The following SPHKAP variants were observed in gnomAD, a reference collection of about 807,000 sequenced individuals.
SPHKAP encodes A-kinase anchor protein SPHKAP.
SPHKAP carries 67 observed loss-of-function variants against 137.5 expected under a neutral mutation model. That is an observed-to-expected ratio of 0.49 (90% CI 0.40 to 0.60). The LOEUF (loss-of-function observed/expected upper bound fraction) is 0.60, where lower values mean the gene tolerates loss of function less well. Ranked by LOEUF, SPHKAP falls within the 20% of genes least tolerant of loss-of-function variation. SPHKAP has a pLI of 0.00. For missense variants in SPHKAP, 2,097 were observed against 2,069.3 expected (o/e 1.01, Z -0.26); for synonymous variants, 813 against 785.3 (o/e 1.04, Z -0.59).
At chr2:228,061,015 G>A (rs866596231) in intron 3 of SPHKAP, among the ~76,000 whole-genome samples, 1 of 152,138 alleles carries the variant, frequency 6.6e-6, no homozygotes, top group Non-Finnish European at 1.5e-5. Context: ...CTGGATTTGA[G>A]GCCAAACTTG....
At chr2:228,158,081 A>C (rs1700161231) in intron 1 of SPHKAP, among the ~76,000 whole-genome samples, 2 of 152,166 alleles carry the variant, frequency 1.3e-5, no homozygotes, top group African/African-American at 4.8e-5. Flanking sequence ...AATGGACAAC[A>C]CACAGATTCA....
intron 3 of SPHKAP, among the ~76,000 whole-genome samples, chr2:228,066,251 T>C (rs1696825279): frequency 6.6e-6 from 1 of 152,162 alleles, no homozygotes; most frequent in African/African-American, 2.4e-5. Flanking sequence ...CTGTACTTTG[T>C]CTCCAATAGA....
At position 228,120,461 on chromosome 2, in the gene SPHKAP, C is replaced by T. The variant is rs138041145; in HGVS notation, c.138+11519G>A. On this transcript the variant is annotated intron_variant, in intron 2 of 11. Transcript: ENST00000392056. ...TTATGAACAAAAGCCCTCCTTTCTT[C>T]GGAATTTATGTCCCCATATATGTAA... Among the ~76,000 whole-genome samples, 688 of 152,204 alleles carry T rather than the reference C, an allele frequency of 4.5e-3. 3 individuals are homozygous for T. Among genetic ancestry groups the T allele is most frequent in the South Asian group, 0.017 (81 of 4,820 alleles).
Position 227,991,137 on chromosome 2 carries a change from G to A in SPHKAP, c.4822C>T (p.Leu1608=). 2 of 1,614,112 alleles carry A rather than the reference G, an allele frequency of 1.2e-6. No individual in the cohort carries two copies. The highest frequency in any genetic ancestry group is 1.7e-6 in the Non-Finnish European group (2 of 1,180,014). Residue 1608 remains leucine, a synonymous_variant, in exon 11 of 12, where the codon CTG becomes TTG. Coordinates refer to ENST00000392056, the MANE Select transcript of SPHKAP (RefSeq NM_001142644.2). Reference sequence around the variant, plus strand: ...TCCAGGTCAAAGTTGATCACCAGCAGGCTCCTCTGGGGGCTGGCTGTTCCC... The same window carrying A: ...TCCAGGTCAAAGTTGATCACCAGCAAGCTCCTCTGGGGGCTGGCTGTTCCC... ...PTGTASPQRS[L]LVINFDLEPE...
At chr2:228,170,571 AC>A (rs1394621277) in intron 1 of SPHKAP, among the ~76,000 whole-genome samples, 1 of 152,090 alleles carries the variant, frequency 6.6e-6, no homozygotes, top group Non-Finnish European at 1.5e-5. Context: ...GGCAAGACCC[AC>A]CACTAGCAAA....
Position 228,181,587 on chromosome 2 carries a change from G to C in SPHKAP, c.12C>G (p.Asn4Lys). ...CTTACCTTGGTACCGAGAGCAGGGA[G>C]TTGCCATCCATTGTTGGTGGGCGCC... MDG[N>K]SLLSVPSNLE... is the part of the protein sequence containing the mutation. The change falls in exon 1 of 12, where the codon AAC becomes AAG. Residue 4 changes from asparagine (N) to lysine (K), a missense_variant. Coordinates refer to ENST00000392056, the MANE Select transcript of SPHKAP (RefSeq NM_001142644.2). This position sits in a 1 kb window ranked among gnomAD's most constrained non-coding sequence, Gnocchi z 4.3. 6.2e-7 allele frequency: 1 copy of C among 1,614,234 alleles called. No homozygotes were observed. The highest frequency in any genetic ancestry group is 1.1e-5 in the South Asian group (1 of 91,084).
chr2:228,119,962 T>A (rs1244326702), intron 2 of SPHKAP, among the ~76,000 whole-genome samples: 1 of 152,160 alleles, frequency 6.6e-6, no homozygotes, highest in Non-Finnish European at 1.5e-5. Context: ...AAAGCATTCA[T>A]GCATTATACC....
Position 228,020,067 on chromosome 2 carries a change from T to C in SPHKAP, c.787A>G (p.Lys263Glu), listed in dbSNP as rs191601843. The C allele has an allele frequency of 6.2e-7, 1 of 1,614,250 alleles. No homozygotes were observed. Among genetic ancestry groups the C allele is most frequent in the African/African-American group, 1.3e-5 (1 of 75,088 alleles). The change falls in exon 7 of 12, where the codon AAG becomes GAG. Residue 263 changes from lysine to glutamate, a missense_variant. By Grantham distance (56) the Lys-to-Glu change is moderately conservative. Coordinates refer to ENST00000392056, the MANE Select transcript of SPHKAP (RefSeq NM_001142644.2). ...TQVEWNCNKE[K>E]WLYALEDKYI... ...TTGTCTTCCAAAGCATAAAGCCACT[T>C]TTCCTTGTTGCAATTCCATTCCACC...
intron 3 of SPHKAP, among the ~76,000 whole-genome samples, chr2:228,074,416 G>A (rs1373587779): frequency 1.2e-4 from 19 of 152,154 alleles, no homozygotes; most frequent in Admixed American, 8.5e-4. Flanking sequence ...CAATTATGGC[G>A]GAAGGTGAAG....
chr2:228,136,457 T>G (rs1056519040), intron 1 of SPHKAP, among the ~76,000 whole-genome samples: 1 of 152,226 alleles, frequency 6.6e-6, no homozygotes, highest in Non-Finnish European at 1.5e-5. Context: ...GCCACTGTAC[T>G]GCTACCACTG....
intron 9 of SPHKAP, 104 bp from the exon 10 acceptor site, chr2:227,991,430 C>G (rs1574714287): frequency 1.3e-6 from 2 of 1,591,178 alleles, no homozygotes; most frequent in South Asian, 1.1e-5. Flanking sequence ...TTCTGAAGTT[C>G]ATTCTGGATT....
intron 1 of SPHKAP, among the ~76,000 whole-genome samples, chr2:228,154,715 A>T (rs1470036528): frequency 6.1e-5 from 7 of 115,154 alleles, no homozygotes; most frequent in East Asian, 2.5e-4. Context: ...TGCCTGGCTA[A>T]TTTTTTTTTT....
intron 7 of SPHKAP, among the ~76,000 whole-genome samples, chr2:227,998,242 C>T (rs897412339): frequency 6.6e-6 from 1 of 152,106 alleles, no homozygotes; most frequent in Non-Finnish European, 1.5e-5. Flanking sequence ...AAGTGACCTG[C>T]ACTCCTGGGC....
chr2:227,989,433 C>A lies in SPHKAP; in HGVS notation c.4959+1567G>T, dbSNP rs560852285. 3.3e-5 allele frequency among the ~76,000 whole-genome samples: 5 copies of A among 152,222 alleles called. No homozygotes were observed. The South Asian group carries it at 1.0e-3, about 32-fold the overall frequency. ...TGACAATAAGACATGAAAATCCTAC[C>A]TGGTGGCTTGATAGGCAGGATCCTA... On this transcript the variant is annotated intron_variant, in intron 11 of 11. Coordinates refer to ENST00000392056, the MANE Select transcript of SPHKAP (RefSeq NM_001142644.2).
intron 3 of SPHKAP, among the ~76,000 whole-genome samples, chr2:228,064,731 G>A (rs1696771950): frequency 6.6e-6 from 1 of 152,188 alleles, no homozygotes; most frequent in South Asian, 2.1e-4. Flanking sequence ...TGACATAAAG[G>A]CAGAGTAAGA....
chr2:228,092,060 CAT>C (rs1233577159), intron 3 of SPHKAP, among the ~76,000 whole-genome samples: 1 of 148,478 alleles, frequency 6.7e-6, no homozygotes, highest in African/African-American at 2.5e-5. Flanking sequence ...AATTGTGCAA[CAT>C]ATATATGTCT....
In SPHKAP at chr2:228,181,505, C is replaced by T; in HGVS notation, c.32+62G>A. The stretch of plus-strand genomic sequence containing the variant: ...CGCTCTGGGGCAAGTTGGTGAGCGA[C>T]TCACAACGCGGAACGGAGTTTGATC... On this transcript the variant is annotated intron_variant, in intron 1 of 11. Transcript: ENST00000392056. The surrounding 1 kb of genome is among the most constrained non-coding windows in gnomAD (Gnocchi z 4.3). The T allele has an allele frequency of 6.2e-7, 1 of 1,613,386 alleles. No homozygotes were observed. Among genetic ancestry groups the T allele is most frequent in the East Asian group, 2.2e-5 (1 of 44,856 alleles).
intron 2 of SPHKAP, among the ~76,000 whole-genome samples, chr2:228,110,268 A>G (rs1184908528): frequency 6.6e-6 from 1 of 151,970 alleles, no homozygotes; most frequent in Non-Finnish European, 1.5e-5. Flanking sequence ...ATTTTAGATG[A>G]GTAATATTAC....
chr2:228,066,960 T>C (rs1029916813), intron 3 of SPHKAP, among the ~76,000 whole-genome samples: 2 of 152,358 alleles, frequency 1.3e-5, no homozygotes, highest in East Asian at 3.9e-4. Flanking sequence ...TATTCATGCA[T>C]CCTGTTTCAT....
Sources: gnomAD v4.1 joint callset for allele counts (sites outside exome capture counted in the v4.1 genomes callset) on GRCh38, gnomAD v4.1.1 for gene constraint, Gnocchi (gnomAD v3.1) non-coding constraint, MANE v1.5 for transcripts, NCBI Gene and HGNC (gene_info 2026-07-23, HGNC 2026-07-21) for gene names.